Variants in ETV1 observed in about 807,000 individuals in gnomAD.
The protein encoded by ETV1 is ETS variant transcription factor 1, also known as ETS translocation variant 1.
ETV1 carries 27 observed loss-of-function variants against 62.3 expected under a neutral mutation model. The observed-to-expected ratio is 0.43, with a 90% CI of 0.32 to 0.60. The LOEUF is 0.60. ETV1 is among the 20% of genes least tolerant of loss of function. The pLI is 0.06. For synonymous variants in ETV1, 222 were observed against 199.6 expected (o/e 1.11, Z -0.94); for missense variants, 605 against 605.8 (o/e 1.00, Z 0.01).
intron 5 of ETV1, among the ~76,000 whole-genome samples, chr7:13,984,997 C>A (rs1782407120): frequency 6.6e-6 from 1 of 151,456 alleles, no homozygotes; most frequent in South Asian, 2.1e-4. Context: ...TTTTAAAATT[C>A]CAGGAACAGA....
intron 12 of ETV1, 197 bp downstream of exon 12, chr7:13,906,233 T>C: frequency 2.4e-6 from 1 of 422,726 alleles, no homozygotes; most frequent in Admixed American, 4.3e-5. Context: ...TAGGATTGTA[T>C]ACAACCGGAA....
chr7:13,960,142 C>A (rs1379874769), intron 6 of ETV1, among the ~76,000 whole-genome samples: 8 of 152,006 alleles, frequency 5.3e-5, no homozygotes, highest in Admixed American at 2.0e-4. Flanking sequence ...TCTTAGAGAA[C>A]AATCTATAAT....
chr7:13,935,802 T>G lies in ETV1; in HGVS notation c.460A>C (p.Asn154His). ...TCAGGTTTCGGTGTATGAGTTGAGT[T>G]TGGAGATGCATGATGCAGTGGGGAC... ...PVSPLHHASP[N>H]STHTPKPDRA... is the part of the protein sequence containing the mutation. Residue 154 changes from asparagine (N) to histidine (H), a missense_variant, in exon 8 of 14, where the codon AAC (asparagine) becomes CAC (histidine). Asn to His is a moderately conservative substitution (Grantham distance 68). Transcript: ENST00000430479. The G allele has an allele frequency of 1.9e-6, 3 of 1,613,866 alleles. No homozygotes were observed. The highest frequency in any genetic ancestry group is 2.5e-6 in the Non-Finnish European group (3 of 1,179,858).
At chr7:13,968,302 T>C (rs904439713) in intron 6 of ETV1, among the ~76,000 whole-genome samples, 1 of 151,976 alleles carries the variant, frequency 6.6e-6, no homozygotes, top group Non-Finnish European at 1.5e-5. Flanking sequence ...TGGGTTAATA[T>C]ATATATTTTT....
In ETV1 at chr7:13,947,675, C is replaced by G. The variant is rs1017202439; in HGVS notation, c.236-8429G>C. Among the ~76,000 whole-genome samples the G allele has an allele frequency of 2.6e-5, 4 of 152,190 alleles. No homozygotes were observed. The East Asian group carries it at 7.7e-4, about 29-fold the overall frequency. ...TCAAATTGATTTATACACAGACACT[C>G]ATTATTTCCTTCATGCATGAGCACC... On this transcript the variant is annotated intron_variant, in intron 6 of 13. Coordinates refer to ENST00000430479, the MANE Select transcript of ETV1 (RefSeq NM_004956.5).
chr7:13,939,044 G>T (rs563168573), intron 7 of ETV1, 73 bp downstream of exon 7: 73 of 1,420,338 alleles, frequency 5.1e-5, no homozygotes, highest in Non-Finnish European at 6.2e-5. Context: ...TATGACTTGA[G>T]ATTTCATATT....
intron 3 of ETV1, chr7:13,988,595 G>GA (rs34468165): frequency 0.38 from 302,052 of 801,024 alleles, 11,992 homozygotes; most frequent in African/African-American, 0.45. Context: ...GTAGAGAAAT[G>GA]AAAAAAAAAA....
chr7:13,988,992 C>T lies in ETV1; in HGVS notation c.45+16G>A. ...AGTCAAGTTTATAAACAGCAACTTT[C>T]AAACTGATCACTCACATTGGTGACC... On this transcript the variant is annotated intron_variant, in intron 3 of 13. Coordinates refer to ENST00000430479, the MANE Select transcript of ETV1 (RefSeq NM_004956.5). 6.3e-7 allele frequency: 1 copy of T among 1,591,062 alleles called. No individual in the cohort carries two copies. Among genetic ancestry groups the T allele is most frequent in the Non-Finnish European group, 8.6e-7 (1 of 1,166,666 alleles).
chr7:13,943,131 G>T (rs1017458925), intron 6 of ETV1, among the ~76,000 whole-genome samples: 4 of 152,084 alleles, frequency 2.6e-5, no homozygotes, highest in African/African-American at 9.7e-5. Context: ...AGTAAGACAA[G>T]ACAAATTCCC....
At chr7:13,917,593 A>T (rs953522455) in intron 9 of ETV1, among the ~76,000 whole-genome samples, 1 of 151,604 alleles carries the variant, frequency 6.6e-6, no homozygotes, top group African/African-American at 2.4e-5. Context: ...CTGGGGTTAC[A>T]GGGGTGAGCC....
chr7:13,942,357 TA>T (rs76326420), intron 6 of ETV1, among the ~76,000 whole-genome samples: 45,666 of 151,862 alleles, frequency 0.3, 7,297 homozygotes, highest in East Asian at 0.4. Flanking sequence ...GATTATTTAT[TA>T]CATCTTTGAA....
At chr7:13,909,537 T>G in intron 11 of ETV1, 95 bp downstream of exon 11, 1 of 881,132 alleles carries the variant, frequency 1.1e-6, no homozygotes, top group South Asian at 1.5e-5. Context: ...TGCATAGGAA[T>G]CTTTAAGTAG....
At chr7:13,903,445 C>G (rs960913157) in intron 12 of ETV1, among the ~76,000 whole-genome samples, 3 of 152,004 alleles carry the variant, frequency 2.0e-5, no homozygotes, top group Non-Finnish European at 4.4e-5. Flanking sequence ...TATACTGAGT[C>G]TTACAGACGA....
intron 13 of ETV1, among the ~76,000 whole-genome samples, chr7:13,899,277 G>C (rs967308215): frequency 6.6e-5 from 10 of 152,330 alleles, no homozygotes; most frequent in African/African-American, 2.4e-4. Context: ...AATTAGAAAT[G>C]ACCCCAGGGT....
At chr7:13,898,826 AATGGTAC>A (rs1782105555) in intron 13 of ETV1, among the ~76,000 whole-genome samples, 1 of 152,178 alleles carries the variant, frequency 6.6e-6, no homozygotes, top group Non-Finnish European at 1.5e-5. Context: ...TGAACATCAG[AATGGTAC>A]ATATCCGAGA....
intron 9 of ETV1, among the ~76,000 whole-genome samples, chr7:13,925,150 T>C (rs956775495): frequency 6.6e-6 from 1 of 152,198 alleles, no homozygotes; most frequent in Non-Finnish European, 1.5e-5. Flanking sequence ...CTCTTGCCTT[T>C]GAAAGTTCTT....
intron 6 of ETV1, 51 bp from the exon 7 acceptor site, chr7:13,939,297 T>C (rs1423107853): frequency 2.7e-6 from 4 of 1,489,854 alleles, no homozygotes; most frequent in East Asian, 2.3e-5. Flanking sequence ...GTAGGAATTA[T>C]GGAGATTAAT....
chr7:13,942,312 C>T (rs756615512), intron 6 of ETV1, among the ~76,000 whole-genome samples: 2 of 151,946 alleles, frequency 1.3e-5, no homozygotes, highest in Non-Finnish European at 2.9e-5. Context: ...CATGAGCCAC[C>T]GTGCCCGGCC....
intron 6 of ETV1, among the ~76,000 whole-genome samples, chr7:13,940,088 C>G (rs756969057): frequency 6.6e-6 from 1 of 152,148 alleles, no homozygotes; most frequent in Non-Finnish European, 1.5e-5. Flanking sequence ...ATAGGCCGGG[C>G]GCCGTGGCTC....
Sources: gnomAD v4.1 joint callset for allele counts (sites outside exome capture counted in the v4.1 genomes callset) on GRCh38, gnomAD v4.1.1 for gene constraint, MANE v1.5 for transcripts, NCBI Gene and HGNC (gene_info 2026-07-23, HGNC 2026-07-21) for gene names.